SUPT3H: variants seen among roughly 807,000 people sequenced by gnomAD.
The protein encoded by SUPT3H is transcription initiation protein SPT3 homolog.
In SUPT3H, 44 loss-of-function variants were observed where a neutral mutation model predicts 44.3. The observed-to-expected ratio is 0.99, with a 90% confidence interval of 0.78 to 1.28. SUPT3H has a LOEUF of 1.28. Among genes scored for constraint, SUPT3H ranks in the 50% most tolerant of loss-of-function variants. The pLI is 0.00. For synonymous variants in SUPT3H, 124 were observed against 125.6 expected, an observed-to-expected ratio of 0.99 and a Z score of 0.09; for missense variants, 380 against 387.1, an observed-to-expected ratio of 0.98 and a Z score of 0.15.
intron 2 of SUPT3H, among the ~76,000 whole-genome samples, chr6:45,315,485 T>G (rs1784542036): frequency 6.6e-6 from 1 of 152,060 alleles, no homozygotes; most frequent in Non-Finnish European, 1.5e-5. Context: ...TAGACAACTC[T>G]CAAAAGAAGA....
chr6:45,103,904 T>C (rs1330015310), intron 3 of SUPT3H, among the ~76,000 whole-genome samples: 1 of 152,022 alleles, frequency 6.6e-6, no homozygotes, highest in Non-Finnish European at 1.5e-5. Context: ...CAGAAACTAA[T>C]GTAGGTCAGA....
In SUPT3H at chr6:45,064,874, C is replaced by T. The variant is rs981814521; in HGVS notation, c.186+41048G>A. Reference sequence around the variant, plus strand: ...ACATTAATAATGGGAGACTTTAACACCCCACTGTCAACATTAGACAGATCA... The same window carrying T: ...ACATTAATAATGGGAGACTTTAACATCCCACTGTCAACATTAGACAGATCA... On this transcript the variant is annotated intron_variant, in intron 3 of 10. Coordinates refer to ENST00000371459, the MANE Select transcript of SUPT3H (RefSeq NM_003599.4). Among the ~76,000 whole-genome samples, 1,338 of 145,422 alleles carry T rather than the reference C, an allele frequency of 9.2e-3. 9 individuals are homozygous for T. Among genetic ancestry groups the T allele is most frequent in the South Asian group, 0.014 (61 of 4,258 alleles).
chr6:45,158,296 A>AT (rs1489076667), intron 2 of SUPT3H, among the ~76,000 whole-genome samples: 1,647 of 71,992 alleles, frequency 0.023, 102 homozygotes, highest in Non-Finnish European at 0.03. Flanking sequence ...ATATATATAT[A>AT]TATTTTTTTT....
intron 6 of SUPT3H, among the ~76,000 whole-genome samples, chr6:44,980,890 T>C (rs1288001154): frequency 6.6e-6 from 1 of 152,232 alleles, no homozygotes; most frequent in African/African-American, 2.4e-5. Flanking sequence ...ATAACTGTCC[T>C]AATTCCAAAA....
chr6:45,324,458 G>T (rs764736103), intron 2 of SUPT3H, among the ~76,000 whole-genome samples: 1 of 151,888 alleles, frequency 6.6e-6, no homozygotes, highest in Non-Finnish European at 1.5e-5. Context: ...GTATTCATTA[G>T]TGAGGATTAA....
At chr6:44,963,947 A>G (rs559513) in intron 6 of SUPT3H, among the ~76,000 whole-genome samples, 148,575 of 151,674 alleles carry the variant, frequency 0.98, 72,780 homozygotes, top group Middle Eastern at 1. Flanking sequence ...GTAGTGAGCC[A>G]AGATCACGCC....
At chr6:45,209,400 T>C (rs1469808731) in intron 2 of SUPT3H, among the ~76,000 whole-genome samples, 3 of 152,144 alleles carry the variant, frequency 2.0e-5, no homozygotes, top group African/African-American at 7.2e-5. Flanking sequence ...GGTCAAAATA[T>C]CAGCATCAAT....
At chr6:45,138,475 C>T (rs375813124) in intron 2 of SUPT3H, among the ~76,000 whole-genome samples, 11 of 151,820 alleles carry the variant, frequency 7.2e-5, no homozygotes, top group East Asian at 1.9e-4. Context: ...CTGGTGAATG[C>T]GATAAAAAAA....
At position 45,091,637 on chromosome 6, in the gene SUPT3H, A is replaced by G. The variant is rs186144514; in HGVS notation, c.186+14285T>C. Among the ~76,000 whole-genome samples the G allele has an allele frequency of 2.1e-3, 324 of 152,270 alleles. 1 individual carries two copies. The highest frequency in any genetic ancestry group is 7.5e-3 in the African/African-American group (310 of 41,570). ...CTATAAAGTGAAGAGAGTATCTTCTAACTCTCTAGGTTTACTGGAAGTATT... is the reference window on the plus strand; with the variant it reads ...CTATAAAGTGAAGAGAGTATCTTCTGACTCTCTAGGTTTACTGGAAGTATT... On this transcript the variant is annotated intron_variant, in intron 3 of 10. Transcript: ENST00000371459.
Position 45,274,102 on chromosome 6 carries a change from G to C in SUPT3H, c.101+91099C>G, listed in dbSNP as rs764153437. On this transcript the variant is annotated intron_variant, in intron 2 of 10. Transcript: ENST00000371459. ...TTTGGCCATTTGTAAATCTTCTTTG[G>C]AGAAAAGTCTATTCAGATCCTTTGC... 5.3e-5 allele frequency among the ~76,000 whole-genome samples: 8 copies of C among 152,132 alleles called. No individual in the cohort carries two copies. The East Asian group carries it at 9.6e-4, about 18-fold the overall frequency.
intron 10 of SUPT3H, among the ~76,000 whole-genome samples, chr6:44,889,387 C>T (rs560493690): frequency 1.8e-3 from 273 of 152,258 alleles, no homozygotes; most frequent in African/African-American, 6.4e-3. Context: ...CTACAGTAAC[C>T]AAAACAGCAT....
At chr6:45,368,058 A>G (rs1226068515) in intron 1 of SUPT3H, among the ~76,000 whole-genome samples, 2 of 151,802 alleles carry the variant, frequency 1.3e-5, no homozygotes, top group Non-Finnish European at 2.9e-5. Flanking sequence ...TGTTAAAAGC[A>G]GAAGCACTCA....
At chr6:44,837,387 G>T (rs2153414082) in intron 10 of SUPT3H, among the ~76,000 whole-genome samples, 1 of 152,320 alleles carries the variant, frequency 6.6e-6, no homozygotes, top group African/African-American at 2.4e-5. Flanking sequence ...AATTTGACTA[G>T]CAGGTAGCTT....
At chr6:45,071,993 A>C (rs1206725532) in intron 3 of SUPT3H, among the ~76,000 whole-genome samples, 1 of 152,184 alleles carries the variant, frequency 6.6e-6, no homozygotes, top group African/African-American at 2.4e-5. Context: ...TATGAGGAAA[A>C]GTCTGGGTGA....
intron 2 of SUPT3H, among the ~76,000 whole-genome samples, chr6:45,325,103 G>A (rs1474991139): frequency 6.6e-6 from 1 of 151,702 alleles, no homozygotes; most frequent in Non-Finnish European, 1.5e-5. Context: ...GAAACAATAA[G>A]TTAAAAACTT....
At chr6:45,023,153 A>C (rs1284240003) in intron 3 of SUPT3H, among the ~76,000 whole-genome samples, 3 of 151,970 alleles carry the variant, frequency 2.0e-5, no homozygotes, top group African/African-American at 7.3e-5. Flanking sequence ...TGTGGCCAAC[A>C]AGCATTTGAA....
At chr6:45,094,585 T>C (rs548084514) in intron 3 of SUPT3H, among the ~76,000 whole-genome samples, 5 of 152,246 alleles carry the variant, frequency 3.3e-5, no homozygotes, top group African/African-American at 1.2e-4. Flanking sequence ...TTTAGCAAAC[T>C]ATCCATGGCA....
intron 2 of SUPT3H, among the ~76,000 whole-genome samples, chr6:45,301,646 T>G (rs1165081974): frequency 1.3e-5 from 2 of 152,166 alleles, no homozygotes; most frequent in Non-Finnish European, 2.9e-5. Flanking sequence ...TTGTATTATT[T>G]CATATGTATC....
At chr6:44,913,051 G>C (rs1582454609) in intron 10 of SUPT3H, among the ~76,000 whole-genome samples, 1 of 152,178 alleles carries the variant, frequency 6.6e-6, no homozygotes, top group South Asian at 2.1e-4. Flanking sequence ...TGGCCAGTAA[G>C]AAGAGGCAAA....
Sources: gnomAD v4.1 joint callset for allele counts (sites outside exome capture counted in the v4.1 genomes callset) on GRCh38, gnomAD v4.1.1 for gene constraint, MANE v1.5 for transcripts, NCBI Gene and HGNC (gene_info 2026-07-23, HGNC 2026-07-21) for gene names.